Variants in IL1RAPL1 observed in about 807,000 individuals in gnomAD.
IL1RAPL1 encodes the protein interleukin 1 receptor accessory protein like 1.
In IL1RAPL1, 3 loss-of-function variants were observed where a neutral mutation model predicts 48.4. That is an observed-to-expected ratio of 0.06 (90% CI 0.03 to 0.16). The LOEUF is 0.16. IL1RAPL1 is among the 10% of genes least tolerant of loss of function. The pLI, the probability that IL1RAPL1 is intolerant of heterozygous loss-of-function variation, is 1.00. For synonymous variants in IL1RAPL1, 185 were observed against 187.7 expected, an observed-to-expected ratio of 0.99 and a Z score of 0.12; for missense variants, 349 against 530.6, an observed-to-expected ratio of 0.66 and a Z score of 3.36.
At chrX:29,953,138 A>G (rs1307410581) in intron 9 of IL1RAPL1, among the ~76,000 whole-genome samples, 1 of 111,866 alleles carries the variant, frequency 8.9e-6, no homozygotes, top group Non-Finnish European at 1.9e-5. Flanking sequence ...TTTAAGTTCT[A>G]TGCTTAATGC....
chrX:29,471,962 T>C (rs1197342609), intron 5 of IL1RAPL1, among the ~76,000 whole-genome samples: 1 of 111,813 alleles, frequency 8.9e-6, no homozygotes, highest in Non-Finnish European at 1.9e-5. Context: ...AATTTACAAT[T>C]GCTTTCATTT....
intron 1 of IL1RAPL1, among the ~76,000 whole-genome samples, chrX:28,778,378 A>C (rs759487647): frequency 1.8e-5 from 2 of 111,502 alleles, no homozygotes; most frequent in South Asian, 7.5e-4. Flanking sequence ...AAGGAGGGCA[A>C]ATTCACTCAG....
intron 2 of IL1RAPL1, among the ~76,000 whole-genome samples, chrX:28,989,680 C>A (rs1248514611): frequency 1.8e-5 from 2 of 112,213 alleles, no homozygotes; most frequent in Non-Finnish European, 3.8e-5. Context: ...ATTGTAAACA[C>A]AACTAACATC....
At chrX:29,199,508 C>T (rs1357785158) in intron 2 of IL1RAPL1, among the ~76,000 whole-genome samples, 4 of 111,513 alleles carry the variant, frequency 3.6e-5, no homozygotes, top group East Asian at 5.6e-4. Flanking sequence ...ACAGTTTTTG[C>T]GCAGATTAGG....
chrX:29,883,477 TA>T (rs199843577), intron 6 of IL1RAPL1, among the ~76,000 whole-genome samples: 7,431 of 111,791 alleles, frequency 0.066, 607 homozygotes, highest in African/African-American at 0.23. Context: ...TAGACCATTA[TA>T]AAAAAACATA....
intron 1 of IL1RAPL1, among the ~76,000 whole-genome samples, chrX:28,723,450 C>G (rs1270965247): frequency 9.0e-6 from 1 of 111,188 alleles, no homozygotes; most frequent in Non-Finnish European, 1.9e-5. Context: ...TCCCCTTTAT[C>G]ATTTTTTATT....
At chrX:28,829,662 C>A (rs898102732) in intron 2 of IL1RAPL1, among the ~76,000 whole-genome samples, 3 of 107,140 alleles carry the variant, frequency 2.8e-5, no homozygotes, top group African/African-American at 1.0e-4. Context: ...CAGGTTCAAG[C>A]GATTCTCCTA....
chrX:29,291,854 T>A (rs1010171131), intron 3 of IL1RAPL1, among the ~76,000 whole-genome samples: 3 of 112,377 alleles, frequency 2.7e-5, no homozygotes, highest in Non-Finnish European at 5.6e-5. Flanking sequence ...ATAAATATCT[T>A]CAGGAAAGAT....
At chrX:28,688,407 A>C (rs1329174688) in intron 1 of IL1RAPL1, among the ~76,000 whole-genome samples, 5 of 110,675 alleles carry the variant, frequency 4.5e-5, no homozygotes, top group Non-Finnish European at 9.5e-5. Flanking sequence ...AGGTCTCCCT[A>C]TGTTGCCCAG....
chrX:28,714,937 C>A (rs752626927), intron 1 of IL1RAPL1, among the ~76,000 whole-genome samples: 2 of 111,675 alleles, frequency 1.8e-5, no homozygotes, highest in Non-Finnish European at 3.8e-5. Flanking sequence ...GACTCCCACA[C>A]AATAGTAGTG....
At chrX:28,936,522 C>T (rs927866707) in intron 2 of IL1RAPL1, among the ~76,000 whole-genome samples, 12 of 109,276 alleles carry the variant, frequency 1.1e-4, no homozygotes, top group African/African-American at 3.7e-4. Flanking sequence ...AAAGTGAGCC[C>T]CTGAGTGTAC....
intron 2 of IL1RAPL1, among the ~76,000 whole-genome samples, chrX:28,874,609 C>G (rs1034208480): frequency 8.9e-6 from 1 of 111,975 alleles, no homozygotes; most frequent in Non-Finnish European, 1.9e-5. Flanking sequence ...TTCACACTTT[C>G]AATAATGTTT....
chrX:29,218,494 A>G (rs1486746640), intron 2 of IL1RAPL1, among the ~76,000 whole-genome samples: 4 of 111,839 alleles, frequency 3.6e-5, no homozygotes, highest in African/African-American at 9.7e-5. Context: ...TAGGGTGACA[A>G]TGCAACTGAT....
At chrX:29,645,600 GA>G (rs1165480904) in intron 5 of IL1RAPL1, among the ~76,000 whole-genome samples, 4 of 111,577 alleles carry the variant, frequency 3.6e-5, no homozygotes, top group African/African-American at 1.3e-4. Flanking sequence ...TAGCCCCTAT[GA>G]AATGGAATCA....
chrX:29,399,734 A>T lies in IL1RAPL1; in HGVS notation c.703+426A>T, dbSNP rs187635117. Among the ~76,000 whole-genome samples, 274 of 108,668 alleles carry T rather than the reference A, an allele frequency of 2.5e-3. 1 individual carries two copies. The highest frequency in any genetic ancestry group is 3.7e-3 in the Non-Finnish European group (195 of 52,394). 94.4% of individuals were successfully genotyped at this position (108,668 alleles called of 115,157 possible). A position where few individuals can be genotyped will look rare whatever the true frequency, so the allele number is the denominator to read the frequency against. On this transcript the variant is annotated intron_variant, in intron 5 of 10. Coordinates refer to ENST00000378993, the MANE Select transcript of IL1RAPL1 (RefSeq NM_014271.4). ...CTCGGGAGGCTGAGGCAGGAGAATC[A>T]CTCGAACCCACGAGGCAGAGGTTGC...
At chrX:29,504,728 A>G (rs1241703295) in intron 5 of IL1RAPL1, among the ~76,000 whole-genome samples, 1 of 112,429 alleles carries the variant, frequency 8.9e-6, no homozygotes, top group African/African-American at 3.2e-5. Flanking sequence ...GTGTATCTTT[A>G]TAAATGAAGT....
intron 2 of IL1RAPL1, among the ~76,000 whole-genome samples, chrX:28,842,909 A>G (rs767407773): frequency 5.4e-5 from 6 of 111,091 alleles, no homozygotes; most frequent in Non-Finnish European, 1.1e-4. Flanking sequence ...GTTCATGATG[A>G]CCTCTCAAGA....
chrX:28,993,209 A>T (rs1265680911), intron 2 of IL1RAPL1, among the ~76,000 whole-genome samples: 1 of 112,608 alleles, frequency 8.9e-6, no homozygotes, highest in Non-Finnish European at 1.9e-5. Context: ...TTTAAAAAAG[A>T]AATGAGCAAT....
chrX:29,798,459 C>T (rs1020460733), intron 6 of IL1RAPL1, among the ~76,000 whole-genome samples: 1 of 111,914 alleles, frequency 8.9e-6, no homozygotes, highest in Non-Finnish European at 1.9e-5. Context: ...GTTGTATAGC[C>T]TCATCCAAAG....
Sources: gnomAD v4.1 joint callset for allele counts (sites outside exome capture counted in the v4.1 genomes callset) on GRCh38, gnomAD v4.1.1 for gene constraint, MANE v1.5 for transcripts, NCBI Gene and HGNC (gene_info 2026-07-23, HGNC 2026-07-21) for gene names.